The following UBE2D4 variants were observed in gnomAD, a reference collection of about 807,000 sequenced individuals.
UBE2D4 encodes ubiquitin conjugating enzyme E2 D4.
UBE2D4 carries 17 observed loss-of-function variants against 23.0 expected under a neutral mutation model. That is an observed-to-expected ratio of 0.74 (90% CI 0.51 to 1.11). The LOEUF (loss-of-function observed/expected upper bound fraction) is 1.11. Among genes scored for constraint, UBE2D4 ranks in the 50% least tolerant of loss-of-function variants. UBE2D4 has a pLI of 0.00. For synonymous variants in UBE2D4, 61 were observed against 69.4 expected (o/e 0.88, Z 0.60); for missense variants, 139 against 181.8 (o/e 0.76, Z 1.35).
intron 2 of UBE2D4, chr7:43,940,890 C>CAAA (rs11368641): frequency 6.6e-6 from 1 of 151,592 alleles, no homozygotes; most frequent in African/African-American, 2.4e-5. Flanking sequence ...CAGTCAAAAG[C>CAAA]AAAAAAAAGT....
chr7:43,935,934 G>C (rs2132761896), intron 1 of UBE2D4, among the ~76,000 whole-genome samples: 1 of 152,300 alleles, frequency 6.6e-6, no homozygotes, highest in South Asian at 2.1e-4. Context: ...GCTCCCAAAA[G>C]ACCCCAGATG....
chr7:43,955,344 A>G lies in UBE2D4; in HGVS notation c.*2649A>G, dbSNP rs543495984. 2 of 152,260 alleles carry G rather than the reference A, an allele frequency of 1.3e-5. No homozygotes were observed. Among genetic ancestry groups the G allele is most frequent in the South Asian group, 4.1e-4 (2 of 4,828 alleles). The allele number at this position is 152,260 out of a possible 1,614,324, so 9.4% of individuals were successfully genotyped here. On this transcript the variant is annotated 3_prime_UTR_variant, in exon 7 of 7. Transcript: ENST00000222402. ...TCAGAAAGGTGCTTGATCTTGAACA[A>G]TTGATCCATGATGAAAAAATGACCA...
intron 1 of UBE2D4, among the ~76,000 whole-genome samples, chr7:43,934,856 C>T (rs1418289622): frequency 1.3e-5 from 2 of 152,116 alleles, no homozygotes; most frequent in Non-Finnish European, 2.9e-5. Flanking sequence ...TGTTACAATG[C>T]ATAACTGCTC....
At chr7:43,943,089 G>A in intron 4 of UBE2D4, 58 bp downstream of exon 4, 1 of 1,549,156 alleles carries the variant, frequency 6.5e-7, no homozygotes, top group Non-Finnish European at 8.9e-7. Flanking sequence ...TGTGACAAGG[G>A]GCCCTTCAAG....
intron 4 of UBE2D4, among the ~76,000 whole-genome samples, chr7:43,946,859 C>T (rs569903867): frequency 2.6e-5 from 4 of 151,778 alleles, no homozygotes; most frequent in Admixed American, 1.3e-4. Flanking sequence ...AGAGGGTCCA[C>T]GGCCTGAGCT....
chr7:43,945,200 G>A (rs569216453), intron 4 of UBE2D4, among the ~76,000 whole-genome samples: 2 of 152,012 alleles, frequency 1.3e-5, no homozygotes, highest in Non-Finnish European at 2.9e-5. Flanking sequence ...GCCATGTTGG[G>A]CAGGCTGGTC....
intron 4 of UBE2D4, among the ~76,000 whole-genome samples, chr7:43,946,711 A>G (rs988626319): frequency 2.0e-5 from 3 of 152,118 alleles, no homozygotes; most frequent in African/African-American, 7.2e-5. Context: ...ATCTGAAGAC[A>G]TTTAGGTTTT....
rs2096007666 is a variant in UBE2D4, at chr7:43,953,585, G to C, written c.*890G>C. ...ACTCTAAATGATAATTGACATTTCA[G>C]CCTCTTTCTTTTAGGCAAAACAGAA... On this transcript the variant is annotated 3_prime_UTR_variant, in exon 7 of 7. Coordinates refer to ENST00000222402, the MANE Select transcript of UBE2D4 (RefSeq NM_015983.4). 5.3e-6 allele frequency: 1 copy of C among 190,080 alleles called. No individual in the cohort carries two copies. The highest frequency in any genetic ancestry group is 1.1e-5 in the Non-Finnish European group (1 of 90,148). The allele number at this position is 190,080 out of a possible 1,614,324, so 11.8% of individuals were successfully genotyped here.
At chr7:43,938,391 C>T in intron 1 of UBE2D4, 40 bp from the exon 2 acceptor site, 1 of 1,591,784 alleles carries the variant, frequency 6.3e-7, no homozygotes. Flanking sequence ...GGCAGCATCC[C>T]CAGCATACAG....
intron 1 of UBE2D4, among the ~76,000 whole-genome samples, chr7:43,933,027 T>C: frequency 7.9e-6 from 1 of 127,158 alleles, no homozygotes; most frequent in South Asian, 2.8e-4. Flanking sequence ...CACACATATA[T>C]ATACACATAT....
intron 5 of UBE2D4, chr7:43,948,994 A>C: frequency 2.2e-6 from 1 of 453,702 alleles, no homozygotes; most frequent in South Asian, 5.3e-5. Flanking sequence ...GTGCAAGAAG[A>C]AAATACTGAT....
intron 2 of UBE2D4, 31 bp from the exon 3 acceptor site, chr7:43,942,795 C>T (rs774216401): frequency 2.5e-6 from 4 of 1,614,142 alleles, no homozygotes; most frequent in South Asian, 2.2e-5. Context: ...TGGGGGGTCT[C>T]TTACATGCCC....
chr7:43,926,690 A>C, intron 1 of UBE2D4, 134 bp downstream of exon 1: 1 of 921,646 alleles, frequency 1.1e-6, no homozygotes, highest in Non-Finnish European at 1.5e-6. Context: ...AGGAGGCAGA[A>C]CAGCCTCCCG....
intron 6 of UBE2D4, chr7:43,951,945 T>C (rs1395517685): frequency 1.3e-5 from 2 of 152,268 alleles, no homozygotes; most frequent in Non-Finnish European, 2.9e-5. Flanking sequence ...TTTAACACTT[T>C]TTACAAGATA....
intron 5 of UBE2D4, 154 bp downstream of exon 5, chr7:43,948,891 C>T (rs925549328): frequency 1.5e-5 from 9 of 613,766 alleles, no homozygotes; most frequent in Middle Eastern, 2.9e-4. Flanking sequence ...TATCCTTACA[C>T]GCCTACGAGG....
At chr7:43,942,804 C>T in intron 2 of UBE2D4, 22 bp from the exon 3 acceptor site, 2 of 1,614,098 alleles carry the variant, frequency 1.2e-6, no homozygotes, top group Non-Finnish European at 1.7e-6. Context: ...TCTTACATGC[C>T]CGTCTCTCTT....
intron 1 of UBE2D4, among the ~76,000 whole-genome samples, chr7:43,932,136 C>G (rs1029839424): frequency 6.6e-6 from 1 of 152,042 alleles, no homozygotes; most frequent in African/African-American, 2.4e-5. Flanking sequence ...ACTACAGGCG[C>G]CTGCCACCAC....
intron 1 of UBE2D4, among the ~76,000 whole-genome samples, chr7:43,931,617 G>GT (rs2095945638): frequency 1.5e-5 from 2 of 133,648 alleles, no homozygotes; most frequent in African/African-American, 2.6e-5. Context: ...GGGTGGGGGG[G>GT]CGGGGGGGGT....
At position 43,926,511 on chromosome 7, in the gene UBE2D4, G is replaced by A. The variant is rs770555007; in HGVS notation, c.-22G>A. 13 of 1,520,758 alleles carry A rather than the reference G, an allele frequency of 8.5e-6. No individual in the cohort carries two copies. Among genetic ancestry groups the A allele is most frequent in the Non-Finnish European group, 8.8e-6 (10 of 1,135,232 alleles). The allele number at this position is 1,520,758 out of a possible 1,614,324, so 94.2% of individuals were successfully genotyped here. A position where few individuals can be genotyped will look rare whatever the true frequency, so the allele number is the denominator to read the frequency against. On this transcript the variant is annotated 5_prime_UTR_variant, in exon 1 of 7. Transcript: ENST00000222402. ...TCAGGCAGCCCCGGCCGGGCCGCCC[G>A]GGTCCCCGGCAGCGGGGTAGGATGG...
Sources: allele counts gnomAD v4.1 joint callset (sites outside exome capture counted in the v4.1 genomes callset), GRCh38; gene constraint gnomAD v4.1.1; transcripts MANE v1.5; gene names NCBI Gene and HGNC (gene_info 2026-07-23, HGNC 2026-07-21).